SYT12: variants seen among roughly 807,000 people sequenced by gnomAD.
SYT12 encodes synaptotagmin 12.
SYT12 carries 27 observed loss-of-function variants against 39.5 expected under a neutral mutation model. The ratio of observed to expected loss-of-function variants is 0.68; its 90% CI spans 0.50 to 0.94. SYT12 has a LOEUF of 0.94. Ranked by LOEUF, SYT12 falls within the 40% of genes least tolerant of loss-of-function variation. The pLI is 0.00. For synonymous variants in SYT12, 233 were observed against 239.7 expected (o/e 0.97, Z 0.26); for missense variants, 536 against 572.6 (o/e 0.94, Z 0.65).
chr11:67,035,792 TCCTTCCTTCCTTCCTTC>T lies in SYT12; in HGVS notation c.228+956_228+972del, dbSNP rs1950355602. Among the ~76,000 whole-genome samples the T allele has an allele frequency of 1.3e-3, 57 of 43,244 alleles. 4 individuals carry two copies. Among genetic ancestry groups the T allele is most frequent in the African/African-American group, 3.8e-3 (54 of 14,246 alleles). The allele number at this position is 43,244 out of a possible 152,430, so 28.4% of individuals were successfully genotyped here. A position where few individuals can be genotyped will look rare whatever the true frequency, so the allele number is the denominator to read the frequency against. ...TTCTTTTCTTTTCTTTTCTTTTCTT[TCCTTCCTTCCTTCCTTC>T]CTTCCTTCCTTCCTTCCTTCCTTCC... On this transcript the variant is annotated intron_variant, in intron 3 of 7. Coordinates refer to ENST00000527043, the MANE Select transcript of SYT12 (RefSeq NM_177963.4).
intron 2 of SYT12, among the ~76,000 whole-genome samples, chr11:67,034,413 A>C (rs10896147): frequency 0.076 from 11,609 of 152,272 alleles, 1,378 homozygotes; most frequent in African/African-American, 0.26. Flanking sequence ...GAATGCTCAG[A>C]CTATAAGTGT....
chr11:67,027,717 T>C (rs1014050639), intron 1 of SYT12: 3 of 152,264 alleles, frequency 2.0e-5, no homozygotes, highest in African/African-American at 7.2e-5. Context: ...CTTGAGGCTT[T>C]GTCCCGTACC....
At chr11:67,018,616 A>G (rs536014089), upstream of SYT12, among the ~76,000 whole-genome samples, 3 of 152,164 alleles carry the variant, frequency 2.0e-5, no homozygotes, top group African/African-American at 7.2e-5. Flanking sequence ...AGGTCAAGAG[A>G]TCAAGACCAT....
At chr11:67,038,656 G>C (rs1950434819) in intron 3 of SYT12, among the ~76,000 whole-genome samples, 1 of 152,056 alleles carries the variant, frequency 6.6e-6, no homozygotes, top group African/African-American at 2.4e-5. Context: ...TCGACAACTT[G>C]ATGTATGGAA....
chr11:67,021,090 G>A (rs190904501), upstream of SYT12, among the ~76,000 whole-genome samples: 1 of 152,246 alleles, frequency 6.6e-6, no homozygotes, highest in East Asian at 1.9e-4. Flanking sequence ...GTCTTCCATT[G>A]TGTCACTACA....
chr11:67,045,354 C>T (rs953796776), intron 6 of SYT12, among the ~76,000 whole-genome samples: 6 of 152,082 alleles, frequency 3.9e-5, no homozygotes, highest in African/African-American at 4.8e-5. Context: ...GATGGGCAGA[C>T]GGCAAGTTGT....
Position 67,034,857 on chromosome 11 carries a change from C to T in SYT12, c.228+19C>T, listed in dbSNP as rs768633019. The T allele has an allele frequency of 1.9e-5, 28 of 1,507,892 alleles. No homozygotes were observed. The highest frequency in any genetic ancestry group is 2.0e-5 in the Non-Finnish European group (23 of 1,133,864). 93.4% of individuals were successfully genotyped at this position (1,507,892 alleles called of 1,614,324 possible). A position where few individuals can be genotyped will look rare whatever the true frequency, so the allele number is the denominator to read the frequency against. On this transcript the variant is annotated intron_variant, in intron 3 of 7. Transcript: ENST00000527043. ...GGAGAAGGTGAGGCTTCTGCTCCTG[C>T]AGGTGCACAGCGAGTGCAACCCCAT...
At chr11:67,038,133 G>C (rs1431972742) in intron 3 of SYT12, among the ~76,000 whole-genome samples, 3 of 149,620 alleles carry the variant, frequency 2.0e-5, no homozygotes, top group Non-Finnish European at 4.4e-5. Flanking sequence ...GGTCAATTTA[G>C]GGAAAATAAA....
rs556669139 is a variant in SYT12 at position 67,010,499 on chromosome 11, C to A, written c.-240-324C>A. On this transcript the variant is annotated intron_variant, in intron 2 of 10. Transcript: ENST00000393946. ...GTAACCCTCGGGTCCCCCCACCCCT[C>A]CCTGGGCTCTGTGCCCAACCCTGAG... is the stretch of plus-strand genomic sequence containing the variant. 1.6e-4 allele frequency among the ~76,000 whole-genome samples: 24 copies of A among 152,356 alleles called. No individual in the cohort carries two copies. The South Asian group carries it at 5.0e-3, about 32-fold the overall frequency.
intron 4 of SYT12, among the ~76,000 whole-genome samples, chr11:67,042,896 A>G (rs890426324): frequency 7.2e-5 from 11 of 152,188 alleles, no homozygotes; most frequent in Admixed American, 6.5e-5. Flanking sequence ...GATTTATTCC[A>G]GGGAAGGCAA....
chr11:67,045,903 G>C (rs763895940), intron 7 of SYT12, 26 bp downstream of exon 7: 2 of 1,613,520 alleles, frequency 1.2e-6, no homozygotes, highest in Non-Finnish European at 1.7e-6. Context: ...GGATGGGAAG[G>C]GGCCAGGTCA....
intron 5 of SYT12, 106 bp from the exon 6 acceptor site, chr11:67,044,487 C>G: frequency 1.3e-6 from 2 of 1,494,082 alleles, no homozygotes; most frequent in Non-Finnish European, 1.8e-6. Flanking sequence ...GCAGCCACTT[C>G]TCTATGGAGA....
At chr11:67,035,002 CTTTTTTTTTTT>C (rs11316433) in intron 3 of SYT12, among the ~76,000 whole-genome samples, 164 bp downstream of exon 3, 3 of 112,104 alleles carry the variant, frequency 2.7e-5, no homozygotes, top group South Asian at 2.8e-4. Flanking sequence ...ACATCTTCAA[CTTTTTTTTTTT>C]TTTTTTTTTT....
At chr11:67,032,033 G>A (rs924311478) in intron 2 of SYT12, 1 of 152,266 alleles carries the variant, frequency 6.6e-6, no homozygotes, top group African/African-American at 2.4e-5. Flanking sequence ...CAGGAGGAAG[G>A]AGGGTTTCTT....
In SYT12 at chr11:67,040,095, G is replaced by A. The variant is rs1265494903; in HGVS notation, c.513G>A (p.Val171=). ...ACACTGCCTCCCACACGCTGAACGT[G>A]GCGGTGATGCAGGGCAAGGACCTCC... The part of the protein sequence containing the change: ...EYDTASHTLN[V]AVMQGKDLLE... Residue 171 remains valine, a synonymous_variant, in exon 4 of 8, where the codon GTG becomes GTA. Transcript: ENST00000527043. The A allele has an allele frequency of 6.2e-7, 1 of 1,613,706 alleles. No individual in the cohort carries two copies. Among genetic ancestry groups the A allele is most frequent in the Non-Finnish European group, 8.5e-7 (1 of 1,179,956 alleles).
At chr11:67,043,445 G>A (rs1950552376) in intron 4 of SYT12, among the ~76,000 whole-genome samples, 193 bp from the exon 5 acceptor site, 2 of 152,210 alleles carry the variant, frequency 1.3e-5, no homozygotes, top group Admixed American at 1.3e-4. Context: ...CCACTAGATT[G>A]GCCGCCACTG....
intron 4 of SYT12, among the ~76,000 whole-genome samples, chr11:67,042,167 G>A (rs551395312): frequency 6.6e-6 from 1 of 152,296 alleles, no homozygotes; most frequent in East Asian, 1.9e-4. Context: ...GGTTAAGTCA[G>A]TTTAGTACCC....
intron 7 of SYT12, among the ~76,000 whole-genome samples, chr11:67,046,462 T>G (rs1481337382): frequency 6.6e-6 from 1 of 152,004 alleles, no homozygotes; most frequent in African/African-American, 2.4e-5. Context: ...CTCCTGACAA[T>G]GAGAAAGTCC....
upstream of SYT12, among the ~76,000 whole-genome samples, chr11:67,021,468 C>T (rs1164655730): frequency 6.6e-6 from 1 of 151,962 alleles, no homozygotes; most frequent in Admixed American, 6.6e-5. Context: ...TTAGTGGAGA[C>T]GGGGTTTCAC....
Sources: gnomAD v4.1 joint callset for allele counts (sites outside exome capture counted in the v4.1 genomes callset) on GRCh38, gnomAD v4.1.1 for gene constraint, MANE v1.5 for transcripts, NCBI Gene and HGNC (gene_info 2026-07-23, HGNC 2026-07-21) for gene names.